Variants in PGAP3 observed in about 807,000 individuals in gnomAD.
PGAP3 encodes GPI-specific phospholipase A2-like PGAP3.
In PGAP3, 31 loss-of-function variants were observed where a neutral mutation model predicts 40.3. The ratio of observed to expected loss-of-function variants is 0.77; its 90% CI spans 0.58 to 1.04. The LOEUF (loss-of-function observed/expected upper bound fraction) is 1.04, where lower values mean the gene tolerates loss of function less well. PGAP3 is among the 50% of genes least tolerant of loss of function. The pLI is 0.00. For missense variants in PGAP3, 413 were observed against 423.0 expected (o/e 0.98, Z 0.21); for synonymous variants, 191 against 184.5 (o/e 1.04, Z -0.29).
chr17:39,684,124 CAAAAA>C (rs58205601), intron 3 of PGAP3, among the ~76,000 whole-genome samples: 1 of 64,396 alleles, frequency 1.6e-5, no homozygotes, highest in African/African-American at 8.6e-5. Flanking sequence ...GACTCTGTCT[CAAAAA>C]AAAAAAAAAA....
In PGAP3 at chr17:39,671,387, G is replaced by T. The variant is rs543759706; in HGVS notation, c.*1416C>A. 1 of 152,458 alleles carries T rather than the reference G, an allele frequency of 6.6e-6. No homozygotes were observed. The highest frequency in any genetic ancestry group is 1.9e-4 in the East Asian group (1 of 5,302). The allele number at this position is 152,458 out of a possible 1,614,324, so 9.4% of individuals were successfully genotyped here. ...GGGCAGGAACATGCCAGGGCTGCTG[G>T]TAAATGGCAGGGGTCACCTTTACCA... On this transcript the variant is annotated 3_prime_UTR_variant, in exon 8 of 8. Transcript: ENST00000300658.
In PGAP3 at chr17:39,674,654, G is replaced by A; in HGVS notation, c.458C>T (p.Ser153Phe). The A allele has an allele frequency of 1.3e-6, 2 of 1,551,242 alleles. No homozygotes were observed. The highest frequency in any genetic ancestry group is 1.7e-6 in the Non-Finnish European group (2 of 1,146,660). Residue 153 changes from serine to phenylalanine, a missense_variant, in exon 4 of 8, where the codon TCC becomes TTC. Ser to Phe is a radical substitution (Grantham distance 155, BLOSUM62 -2). Coordinates refer to ENST00000300658, the MANE Select transcript of PGAP3 (RefSeq NM_033419.5). ...AWVSLNAWFW[S>F]TVFHTRDTDL... is the part of the protein sequence containing the mutation. ...AGTGTCCCTGGTGTGGAAAACTGTG[G>A]ACCAGAACCATGCATTGAGGGACAC...
chr17:39,672,418 T>TGG lies in PGAP3; in HGVS notation c.*383_*384dup, dbSNP rs2057318604. ...GGACCCCCTGTATCCCTAAGGCCTG[T>TGG]GGTCCCTGGTCTCCCAGGTAGACAG... On this transcript the variant is annotated 3_prime_UTR_variant, in exon 8 of 8. Coordinates refer to ENST00000300658, the MANE Select transcript of PGAP3 (RefSeq NM_033419.5). 1 of 296,142 alleles carries TGG rather than the reference T, an allele frequency of 3.4e-6. No homozygotes were observed. Among genetic ancestry groups the TGG allele is most frequent in the Non-Finnish European group, 6.4e-6 (1 of 155,262 alleles). The allele number at this position is 296,142 out of a possible 1,614,324, so 18.3% of individuals were successfully genotyped here. A position where few individuals can be genotyped will look rare whatever the true frequency, so the allele number is the denominator to read the frequency against.
At chr17:39,686,994 C>G (rs1484490586) in intron 1 of PGAP3, among the ~76,000 whole-genome samples, 3 of 152,182 alleles carry the variant, frequency 2.0e-5, no homozygotes, top group Non-Finnish European at 4.4e-5. Flanking sequence ...TTTGAGGCTC[C>G]AAATTGCCTT....
chr17:39,673,177 A>G lies in PGAP3; in HGVS notation c.773T>C (p.Val258Ala). The G allele has an allele frequency of 6.3e-7, 1 of 1,583,506 alleles. No homozygotes were observed. The highest frequency in any genetic ancestry group is 8.6e-7 in the Non-Finnish European group (1 of 1,165,470). ...RRLPHVRKCV[V>A]VVLLLQGLSL... ...CAGCCCCTGCAGCAGCAAGACCACCACCACGCACTTGCGCACGTGAGGCAG... is the reference window on the plus strand; with the variant it reads ...CAGCCCCTGCAGCAGCAAGACCACCGCCACGCACTTGCGCACGTGAGGCAG... Residue 258 changes from valine to alanine, a missense_variant, in exon 7 of 8, where the codon GTG becomes GCG. Physicochemically the swap from Val to Ala is moderately conservative, Grantham distance 64. Transcript: ENST00000300658.
At chr17:39,686,062 G>T in intron 1 of PGAP3, 43 bp from the exon 2 acceptor site, 1 of 1,551,392 alleles carries the variant, frequency 6.4e-7, no homozygotes, top group East Asian at 2.3e-5. Context: ...CCAGCACAGA[G>T]AGGAAAGAGA....
chr17:39,683,844 G>A (rs970953124), intron 3 of PGAP3, among the ~76,000 whole-genome samples: 5 of 151,970 alleles, frequency 3.3e-5, no homozygotes, highest in African/African-American at 1.2e-4. Context: ...GGCTGAGCTC[G>A]CCAGGTGCAG....
In PGAP3 at chr17:39,684,398, G is replaced by A. The variant is rs549573026; in HGVS notation, c.432+199C>T. 6.6e-5 allele frequency among the ~76,000 whole-genome samples: 10 copies of A among 152,230 alleles called. 1 individual carries two copies. The East Asian group carries it at 1.9e-3, about 29-fold the overall frequency. On this transcript the variant is annotated intron_variant, in intron 3 of 7. Transcript: ENST00000300658. ...CTCCTTCCCAAACAGCCTGACCTAG[G>A]GCTCTGCTGGAAAGGTAAGGCCCGA...
rs901202816 is a variant in PGAP3, at chr17:39,687,971, G to A, written c.44C>T (p.Ala15Val). Residue 15 changes from alanine to valine, a missense_variant, in exon 1 of 8, where the codon GCG (alanine) becomes GTG (valine). Physicochemically the swap from Ala to Val is moderately conservative, Grantham distance 64 (BLOSUM62 0). Coordinates refer to ENST00000300658, the MANE Select transcript of PGAP3 (RefSeq NM_033419.5). ...GCCCTGGGAGCCGCTCGCCAGCGCC[G>A]CTGCCCCAGCTAGCAGGACCAACCG... ...AARLVLLAGA[A>V]ALASGSQGDR... is the part of the protein sequence containing the mutation. 4.1e-6 allele frequency: 6 copies of A among 1,464,950 alleles called. No homozygotes were observed. In the African/African-American group the frequency reaches 4.3e-5, roughly 10 times the overall value. The allele number at this position is 1,464,950 out of a possible 1,614,324, so 90.7% of individuals were successfully genotyped here. A position where few individuals can be genotyped will look rare whatever the true frequency, so the allele number is the denominator to read the frequency against.
At position 39,687,818 on chromosome 17, in the gene PGAP3, TG is replaced by T. The variant is rs750385176; in HGVS notation, c.181+15del. 1.5e-6 allele frequency: 2 copies of T among 1,356,158 alleles called. No individual in the cohort carries two copies. The highest frequency in any genetic ancestry group is 1.7e-5 in the African/African-American group (1 of 60,396). The allele number at this position is 1,356,158 out of a possible 1,614,324, so 84.0% of individuals were successfully genotyped here. A position where few individuals can be genotyped will look rare whatever the true frequency, so the allele number is the denominator to read the frequency against. On this transcript the variant is annotated intron_variant, in intron 1 of 7. Coordinates refer to ENST00000300658, the MANE Select transcript of PGAP3 (RefSeq NM_033419.5). ...CAAGACAAATGGGCGGGGCTTACCG[TG>T]GGGGTGGGGCTTACCTGCTAGACTC...
intron 3 of PGAP3, among the ~76,000 whole-genome samples, chr17:39,674,901 C>CG (rs550198618): frequency 1.3e-3 from 198 of 152,282 alleles, no homozygotes; most frequent in Non-Finnish European, 2.3e-3. Context: ...CCCAAGGCCA[C>CG]GGGGGGCTGC....
intron 3 of PGAP3, among the ~76,000 whole-genome samples, chr17:39,675,328 T>C (rs562201744): frequency 6.6e-6 from 1 of 152,312 alleles, no homozygotes; most frequent in South Asian, 2.1e-4. Flanking sequence ...AGGGGAATGT[T>C]TGAGGCCTTC....
At chr17:39,673,447 C>T in intron 6 of PGAP3, 67 bp downstream of exon 6, 2 of 1,604,376 alleles carry the variant, frequency 1.2e-6, no homozygotes, top group Non-Finnish European at 1.7e-6. Flanking sequence ...CCAGGAATGG[C>T]ACCAACCTCC....
intron 3 of PGAP3, 132 bp downstream of exon 3, chr17:39,684,465 G>T: frequency 8.7e-7 from 1 of 1,156,064 alleles, no homozygotes; most frequent in Non-Finnish European, 1.2e-6. Flanking sequence ...TTACCACCCT[G>T]CAGCTGCAAC....
chr17:39,672,547 C>T lies in PGAP3; in HGVS notation c.*256G>A. 1 of 565,158 alleles carries T rather than the reference C, an allele frequency of 1.8e-6. No individual in the cohort carries two copies. The highest frequency in any genetic ancestry group is 3.2e-6 in the Non-Finnish European group (1 of 314,840). The allele number at this position is 565,158 out of a possible 1,614,324, so 35.0% of individuals were successfully genotyped here. ...GTAGAGCTAAGAGCACACTCAGTTC[C>T]ACCCCAGTTCAGCTCCAGGAGGTAG... On this transcript the variant is annotated 3_prime_UTR_variant, in exon 8 of 8. Transcript: ENST00000300658.
At position 39,685,907 on chromosome 17, in the gene PGAP3, G is replaced by T; in HGVS notation, c.279+15C>A. The T allele has an allele frequency of 6.2e-7, 1 of 1,608,026 alleles. No homozygotes were observed. Among genetic ancestry groups the T allele is most frequent in the South Asian group, 1.1e-5 (1 of 90,830 alleles). The stretch of plus-strand genomic sequence containing the variant: ...CACGCTACTACCATATGCCTACCCT[G>T]ACCCTCCAACTCACCTTGCCATGGA... On this transcript the variant is annotated intron_variant, in intron 2 of 7. Coordinates refer to ENST00000300658, the MANE Select transcript of PGAP3 (RefSeq NM_033419.5).
At chr17:39,685,770 GA>G (rs1597827668) in intron 2 of PGAP3, 151 bp downstream of exon 2, 1 of 627,092 alleles carries the variant, frequency 1.6e-6, no homozygotes, top group East Asian at 3.4e-5. Flanking sequence ...CAATTCTATG[GA>G]AACCAGCAGA....
rs773270672 is a variant in PGAP3, at chr17:39,673,563, G to C, written c.645C>G (p.Ser215Arg). 6.2e-7 allele frequency: 1 copy of C among 1,614,108 alleles called. No homozygotes were observed. Among genetic ancestry groups the C allele is most frequent in the Non-Finnish European group, 8.5e-7 (1 of 1,180,004 alleles). The change falls in exon 6 of 8, where the codon AGC (serine) becomes AGG (arginine). Residue 215 changes from serine to arginine, a missense_variant. Transcript: ENST00000300658. ...LMLTVHVSYL[S>R]LIRFDYGYNL... ...TGTAGCCATAGTCGAAGCGGATGAG[G>C]CTCAGGTAGGAGACGTGCACGGTCA...
chr17:39,676,470 G>A (rs1162312061), intron 3 of PGAP3: 1 of 152,410 alleles, frequency 6.6e-6, no homozygotes, highest in Non-Finnish European at 1.5e-5. Flanking sequence ...GCCACAGGAT[G>A]GGTGGGGCTG....
Sources: gnomAD v4.1 joint callset for allele counts (sites outside exome capture counted in the v4.1 genomes callset) on GRCh38, gnomAD v4.1.1 for gene constraint, MANE v1.5 for transcripts, NCBI Gene and HGNC (gene_info 2026-07-23, HGNC 2026-07-21) for gene names.